The following DAB1 variants were observed in gnomAD, a reference collection of about 807,000 sequenced individuals.
DAB1 encodes the protein disabled homolog 1.
A neutral mutation model predicts 64.6 loss-of-function variants in DAB1; 15 were observed. That is an observed-to-expected ratio of 0.23 (90% CI 0.16 to 0.36). DAB1 has a LOEUF of 0.36. DAB1 is among the 10% of genes least tolerant of loss of function. DAB1 has a pLI of 1.00. For missense variants in DAB1, 596 were observed against 706.7 expected, an observed-to-expected ratio of 0.84 and a Z score of 1.78; for synonymous variants, 235 against 251.9, an observed-to-expected ratio of 0.93 and a Z score of 0.64.
At chr1:57,045,482 G>A (rs184003426) in intron 9 of DAB1, among the ~76,000 whole-genome samples, 1 of 152,302 alleles carries the variant, frequency 6.6e-6, no homozygotes, top group East Asian at 1.9e-4. Context: ...CGGATCACTT[G>A]AGGTCAGCAG....
At chr1:58,008,392 G>A (rs556568955) in intron 5 of DAB1, among the ~76,000 whole-genome samples, 2 of 152,112 alleles carry the variant, frequency 1.3e-5, no homozygotes, top group African/African-American at 2.4e-5. Flanking sequence ...AGAGGAAAGC[G>A]AGAATGTGAC....
At chr1:57,658,548 C>G (rs1646345761) in intron 6 of DAB1, among the ~76,000 whole-genome samples, 2 of 151,438 alleles carry the variant, frequency 1.3e-5, no homozygotes, top group African/African-American at 4.9e-5. Context: ...TGTGATCCAC[C>G]CACCTCGGCC....
At chr1:58,054,458 A>G (rs1647919969) in intron 5 of DAB1, among the ~76,000 whole-genome samples, 1 of 152,206 alleles carries the variant, frequency 6.6e-6, no homozygotes, top group Non-Finnish European at 1.5e-5. Context: ...ACTCTATTTA[A>G]AAGCATGGAC....
Position 57,274,872 on chromosome 1 carries a change from G to A in DAB1, c.67+16092C>T, listed in dbSNP as rs1811701. On this transcript the variant is annotated intron_variant, in intron 2 of 14. Transcript: ENST00000371236. Reference sequence around the variant, plus strand: ...GCTGGGATTACATGTGTGAGCCACCGCGCTCAGCCAAATTTTTTTTTTTTT... The same window carrying A: ...GCTGGGATTACATGTGTGAGCCACCACGCTCAGCCAAATTTTTTTTTTTTT... Among the ~76,000 whole-genome samples the A allele has an allele frequency of 1.3e-4, 18 of 138,958 alleles. No homozygotes were observed. The South Asian group carries it at 1.4e-3, about 10-fold the overall frequency. The allele number at this position is 138,958 out of a possible 152,430, so 91.2% of individuals were successfully genotyped here. A position where few individuals can be genotyped will look rare whatever the true frequency, so the allele number is the denominator to read the frequency against.
At chr1:57,852,550 T>C (rs1653575419) in intron 1 of DAB1, among the ~76,000 whole-genome samples, 1 of 151,944 alleles carries the variant, frequency 6.6e-6, no homozygotes, top group Non-Finnish European at 1.5e-5. Context: ...TGGCCAACCA[T>C]GGACCTCACT....
At chr1:57,744,306 T>C (rs1198097435) in intron 6 of DAB1, among the ~76,000 whole-genome samples, 5 of 152,254 alleles carry the variant, frequency 3.3e-5, no homozygotes, top group Admixed American at 6.5e-5. Flanking sequence ...ACGTAGTAGT[T>C]ATGTAGTGTT....
At chr1:57,692,140 C>A (rs566007042) in intron 6 of DAB1, among the ~76,000 whole-genome samples, 1 of 152,086 alleles carries the variant, frequency 6.6e-6, no homozygotes, top group Non-Finnish European at 1.5e-5. Flanking sequence ...GTCACGTTGC[C>A]CAAGTGAGAC....
intron 7 of DAB1, among the ~76,000 whole-genome samples, chr1:57,440,130 G>A (rs1483021631): frequency 6.6e-6 from 1 of 152,062 alleles, no homozygotes; most frequent in African/African-American, 2.4e-5. Flanking sequence ...TTCTCAACCT[G>A]CAAAACCTGG....
intron 4 of DAB1, among the ~76,000 whole-genome samples, chr1:57,077,878 T>C (rs1214755079): frequency 1.3e-5 from 2 of 151,998 alleles, no homozygotes; most frequent in Non-Finnish European, 2.9e-5. Flanking sequence ...CCCGAGGCAA[T>C]ACTATTCACA....
At chr1:57,693,165 C>A (rs908389879) in intron 6 of DAB1, among the ~76,000 whole-genome samples, 1 of 152,108 alleles carries the variant, frequency 6.6e-6, no homozygotes, top group African/African-American at 2.4e-5. Context: ...TAAAGAGTTC[C>A]CCTCCAGAGG....
rs984300368 is a variant in DAB1, at chr1:56,996,021, T to C, written c.*2123A>G. On this transcript the variant is annotated 3_prime_UTR_variant, in exon 15 of 15. Transcript: ENST00000371236. ...GATGATATTGACATATATTCTTGAA[T>C]AGACGTTTGGTCAGTTTATCTAACT... is the stretch of plus-strand genomic sequence containing the variant. 2.6e-5 allele frequency: 4 copies of C among 152,306 alleles called. No individual in the cohort carries two copies. In the South Asian group the frequency reaches 8.3e-4, roughly 32 times the overall value. The allele number at this position is 152,306 out of a possible 1,614,324, so 9.4% of individuals were successfully genotyped here.
At chr1:57,434,697 T>C (rs1685626472) in intron 7 of DAB1, among the ~76,000 whole-genome samples, 1 of 152,218 alleles carries the variant, frequency 6.6e-6, no homozygotes, top group South Asian at 2.1e-4. Flanking sequence ...ACTACACACC[T>C]AGGCTATATG....
intron 4 of DAB1, among the ~76,000 whole-genome samples, chr1:57,102,699 T>C (rs1291954290): frequency 3.3e-5 from 5 of 152,220 alleles, no homozygotes; most frequent in Admixed American, 3.3e-4. Context: ...ACACAAAGTA[T>C]AGGATATCAT....
intron 6 of DAB1, among the ~76,000 whole-genome samples, chr1:57,704,489 C>G (rs1365626610): frequency 6.6e-6 from 1 of 152,140 alleles, no homozygotes; most frequent in Non-Finnish European, 1.5e-5. Context: ...CCTTGAGATG[C>G]TATAATTCTA....
At chr1:58,064,999 C>T (rs1204096168) in intron 5 of DAB1, among the ~76,000 whole-genome samples, 1 of 152,194 alleles carries the variant, frequency 6.6e-6, no homozygotes, top group Non-Finnish European at 1.5e-5. Flanking sequence ...CGTGAGCCAC[C>T]GCGCCCGGCC....
intron 4 of DAB1, among the ~76,000 whole-genome samples, chr1:58,303,800 A>G (rs1662227734): frequency 6.6e-6 from 1 of 152,214 alleles, no homozygotes; most frequent in Non-Finnish European, 1.5e-5. Context: ...TAAATGTCAT[A>G]GGAGAGCTCA....
At chr1:57,403,362 A>G (rs114395692) in intron 1 of DAB1, among the ~76,000 whole-genome samples, 1,946 of 152,328 alleles carry the variant, frequency 0.013, 50 homozygotes, top group African/African-American at 0.044. Context: ...CAAAGCCAGC[A>G]CTGAGAAGGC....
At chr1:57,961,523 T>A (rs963841564) in intron 5 of DAB1, among the ~76,000 whole-genome samples, 7 of 152,190 alleles carry the variant, frequency 4.6e-5, no homozygotes, top group African/African-American at 1.4e-4. Flanking sequence ...TCCTGAGTAT[T>A]CTCAAGAGTC....
At chr1:57,212,569 A>G (rs964960141) in intron 2 of DAB1, among the ~76,000 whole-genome samples, 1 of 151,576 alleles carries the variant, frequency 6.6e-6, no homozygotes, top group Non-Finnish European at 1.5e-5. Context: ...GGGTTTCACC[A>G]TGTTAGCCAG....
Sources: allele counts gnomAD v4.1 joint callset (sites outside exome capture counted in the v4.1 genomes callset), GRCh38; gene constraint gnomAD v4.1.1; transcripts MANE v1.5; gene names NCBI Gene and HGNC (gene_info 2026-07-23, HGNC 2026-07-21).